Variants in TRDN observed in about 807,000 individuals in gnomAD.
The protein encoded by TRDN is triadin.
In TRDN, 161 loss-of-function variants were observed where a neutral mutation model predicts 149.7. The observed-to-expected ratio is 1.08, with a 90% CI of 0.95 to 1.23. TRDN has a LOEUF of 1.23. Ranked by LOEUF, TRDN falls within the 50% of genes most tolerant of loss-of-function variation. TRDN has a pLI of 0.00. For synonymous variants in TRDN, 294 were observed against 250.5 expected (o/e 1.17, Z -1.64); for missense variants, 896 against 823.5 (o/e 1.09, Z -1.08).
intron 21 of TRDN, chr6:123,351,504 G>A: frequency 1.0e-6 from 1 of 983,228 alleles, no homozygotes; most frequent in Non-Finnish European, 1.2e-6. Context: ...AGAGTCCCCA[G>A]AAGCCAGAAT....
chr6:123,371,743 C>T (rs1467001555), intron 19 of TRDN, among the ~76,000 whole-genome samples: 1 of 152,036 alleles, frequency 6.6e-6, no homozygotes, highest in South Asian at 2.1e-4. Context: ...ACTCAGGACA[C>T]CAACCTCATC....
Position 123,441,820 on chromosome 6 carries a change from C to G in TRDN, c.932-2817G>C, listed in dbSNP as rs375747948. ...TTTATTTTTGTCTTATGTTTTGTTC[C>G]TCCCCTCTTTGCCCTTCTAGTGTAG... is the stretch of plus-strand genomic sequence containing the variant. On this transcript the variant is annotated intron_variant, in intron 10 of 40. Coordinates refer to ENST00000334268, the MANE Select transcript of TRDN (RefSeq NM_006073.4). Among the ~76,000 whole-genome samples, 26 of 152,282 alleles carry G rather than the reference C, an allele frequency of 1.7e-4. No individual in the cohort carries two copies. In the East Asian group the frequency reaches 4.6e-3, roughly 27 times the overall value.
At chr6:123,352,028 C>G in intron 21 of TRDN, 1 of 977,900 alleles carries the variant, frequency 1.0e-6, no homozygotes, top group Non-Finnish European at 1.2e-6. Context: ...ACTGAAATTT[C>G]AGACCTCTTG....
intron 20 of TRDN, among the ~76,000 whole-genome samples, chr6:123,360,383 A>G (rs1780851325): frequency 6.6e-6 from 1 of 152,228 alleles, no homozygotes; most frequent in Non-Finnish European, 1.5e-5. Context: ...AACAGATGAA[A>G]GAAAAAACAC....
At chr6:123,346,713 A>G (rs1021717583) in intron 21 of TRDN, among the ~76,000 whole-genome samples, 2 of 152,002 alleles carry the variant, frequency 1.3e-5, no homozygotes, top group Non-Finnish European at 2.9e-5. Flanking sequence ...GATAAACCAT[A>G]TTATATTTAA....
intron 4 of TRDN, among the ~76,000 whole-genome samples, chr6:123,534,197 A>G (rs1055353413): frequency 2.0e-5 from 3 of 152,168 alleles, no homozygotes; most frequent in Non-Finnish European, 4.4e-5. Flanking sequence ...CAGGTACATT[A>G]TCAACTATTT....
At chr6:123,596,371 A>G (rs1176572665) in intron 1 of TRDN, among the ~76,000 whole-genome samples, 1 of 152,114 alleles carries the variant, frequency 6.6e-6, no homozygotes, top group East Asian at 1.9e-4. Flanking sequence ...TCCATAAGAT[A>G]GAAGTGCAAG....
intron 9 of TRDN, among the ~76,000 whole-genome samples, chr6:123,467,366 C>T (rs751332825): frequency 1.3e-5 from 2 of 148,976 alleles, no homozygotes; most frequent in Non-Finnish European, 3.0e-5. Flanking sequence ...TTTATTAGAA[C>T]ACACAAACTG....
At chr6:123,551,033 T>C (rs1781355340) in intron 2 of TRDN, among the ~76,000 whole-genome samples, 1 of 151,674 alleles carries the variant, frequency 6.6e-6, no homozygotes, top group African/African-American at 2.4e-5. Flanking sequence ...GTATATTTTA[T>C]ACCTAATGGA....
chr6:123,478,475 A>G (rs1777599461), intron 9 of TRDN, among the ~76,000 whole-genome samples: 1 of 152,204 alleles, frequency 6.6e-6, no homozygotes, highest in Non-Finnish European at 1.5e-5. Context: ...TATCTGAACA[A>G]TATTTCTATC....
At chr6:123,499,214 C>A in intron 8 of TRDN, among the ~76,000 whole-genome samples, 1 of 152,008 alleles carries the variant, frequency 6.6e-6, no homozygotes, top group South Asian at 2.1e-4. Context: ...ATATAACATC[C>A]CCTCCAAATG....
chr6:123,327,976 GTTGTT>G (rs1311448000), intron 23 of TRDN, among the ~76,000 whole-genome samples: 2 of 151,992 alleles, frequency 1.3e-5, no homozygotes, highest in Non-Finnish European at 2.9e-5. Context: ...TGATTTTTGC[GTTGTT>G]TTGTTTAGTC....
chr6:123,523,656 G>A (rs1779796787), intron 5 of TRDN, among the ~76,000 whole-genome samples: 1 of 152,146 alleles, frequency 6.6e-6, no homozygotes, highest in Non-Finnish European at 1.5e-5. Flanking sequence ...AGAGAAAGTA[G>A]ACTAAATTAT....
At chr6:123,534,117 TACAC>T (rs945813912) in intron 4 of TRDN, among the ~76,000 whole-genome samples, 5 of 152,080 alleles carry the variant, frequency 3.3e-5, no homozygotes, top group Non-Finnish European at 7.4e-5. Flanking sequence ...TTTAAAAAGA[TACAC>T]ACACAGTAAA....
At chr6:123,613,365 TTA>T (rs916786657) in intron 1 of TRDN, among the ~76,000 whole-genome samples, 11 of 152,234 alleles carry the variant, frequency 7.2e-5, no homozygotes, top group African/African-American at 2.7e-4. Flanking sequence ...TTTGCACGTT[TTA>T]TGTTTCCTAA....
At chr6:123,509,101 A>T (rs1779053772) in intron 7 of TRDN, among the ~76,000 whole-genome samples, 1 of 152,056 alleles carries the variant, frequency 6.6e-6, no homozygotes, top group Non-Finnish European at 1.5e-5. Context: ...ATATACACAC[A>T]TATATATGTT....
chr6:123,586,882 G>A (rs1783518252), intron 1 of TRDN, among the ~76,000 whole-genome samples: 1 of 151,928 alleles, frequency 6.6e-6, no homozygotes, highest in Non-Finnish European at 1.5e-5. Context: ...GTCAGGGCAT[G>A]GAAATAAGGG....
intron 27 of TRDN, among the ~76,000 whole-genome samples, chr6:123,273,863 T>C (rs1402500178): frequency 6.6e-6 from 1 of 152,010 alleles, no homozygotes; most frequent in East Asian, 1.9e-4. Context: ...CTCAGGTCAA[T>C]TGCTAGTTGG....
At chr6:123,502,679 C>A in intron 8 of TRDN, 1 of 984,456 alleles carries the variant, frequency 1.0e-6, no homozygotes, top group South Asian at 4.7e-5. Flanking sequence ...TCCAAATAGC[C>A]TGCTCTGTAA....
Sources: gnomAD v4.1 joint callset for allele counts (sites outside exome capture counted in the v4.1 genomes callset) on GRCh38, gnomAD v4.1.1 for gene constraint, MANE v1.5 for transcripts, NCBI Gene and HGNC (gene_info 2026-07-23, HGNC 2026-07-21) for gene names.